RAPGEF2: variants seen among roughly 807,000 people sequenced by gnomAD.
RAPGEF2 encodes PDZ domain containing guanine nucleotide exchange factor (GEF) 1.
In RAPGEF2, 54 loss-of-function variants were observed where a neutral mutation model predicts 186.7. The ratio of observed to expected loss-of-function variants is 0.29; its 90% CI spans 0.23 to 0.36. RAPGEF2 has a LOEUF of 0.36. RAPGEF2 is among the 10% of genes least tolerant of loss of function. RAPGEF2 has a pLI of 1.00. For synonymous variants in RAPGEF2, 712 were observed against 705.9 expected, an observed-to-expected ratio of 1.01 and a Z score of -0.14; for missense variants, 1,532 against 2,045.0, an observed-to-expected ratio of 0.75 and a Z score of 4.84.
At chr4:159,213,793 T>C (rs958984993) in intron 4 of RAPGEF2, among the ~76,000 whole-genome samples, 1 of 151,636 alleles carries the variant, frequency 6.6e-6, no homozygotes, top group African/African-American at 2.4e-5. Flanking sequence ...TGAATTCCTA[T>C]GTGACTGTCA....
intron 1 of RAPGEF2, among the ~76,000 whole-genome samples, chr4:159,158,994 A>G (rs909612002): frequency 3.9e-5 from 6 of 152,238 alleles, no homozygotes; most frequent in Middle Eastern, 3.2e-3. Context: ...CTTAACGGCA[A>G]CACTATAAAG....
intron 7 of RAPGEF2, chr4:159,268,077 A>G: frequency 6.6e-7 from 1 of 1,523,042 alleles, no homozygotes; most frequent in Non-Finnish European, 8.8e-7. Flanking sequence ...CTTTTAATTT[A>G]ATGCTGTAGA....
intron 26 of RAPGEF2, chr4:159,351,302 CTTT>C: frequency 7.8e-6 from 7 of 895,448 alleles, no homozygotes; most frequent in Non-Finnish European, 9.2e-6. Context: ...TTTTCTGAAA[CTTT>C]TTTTTTTTTA....
intron 7 of RAPGEF2, among the ~76,000 whole-genome samples, chr4:159,257,415 A>G (rs866506670): frequency 2.0e-5 from 3 of 152,066 alleles, no homozygotes; most frequent in Non-Finnish European, 4.4e-5. Flanking sequence ...AAAACCATCA[A>G]ATCTCATGAG....
intron 4 of RAPGEF2, among the ~76,000 whole-genome samples, chr4:159,236,921 G>A (rs1753332927): frequency 6.6e-6 from 1 of 152,298 alleles, no homozygotes; most frequent in African/African-American, 2.4e-5. Flanking sequence ...GTACTCTAAT[G>A]TGTATGTTTG....
At chr4:159,263,957 G>T (rs1326481262) in intron 7 of RAPGEF2, among the ~76,000 whole-genome samples, 3 of 152,004 alleles carry the variant, frequency 2.0e-5, no homozygotes, top group Non-Finnish European at 2.9e-5. Context: ...TTATTGACAG[G>T]GTAGAAAGTT....
chr4:159,294,183 A>C (rs1761613412), intron 7 of RAPGEF2, among the ~76,000 whole-genome samples: 1 of 152,210 alleles, frequency 6.6e-6, no homozygotes, highest in African/African-American at 2.4e-5. Flanking sequence ...CCTCCTTCCC[A>C]AACCCAACCT....
In RAPGEF2 at chr4:159,103,109, CAGGAGGAGGAAG is replaced by C. The variant is rs1445336777; in HGVS notation, c.-1050_-1039del. ...GCGGCTCCGGCGGCCGGAGAAGGCG[CAGGAGGAGGAAG>C]AGGCGGAGGAAGAGGAGGGGAATCG... On this transcript the variant is annotated 5_prime_UTR_variant, in exon 1 of 30. Coordinates refer to ENST00000691494, the MANE Select transcript of RAPGEF2 (RefSeq NM_001394067.2). 3 of 152,584 alleles carry C rather than the reference CAGGAGGAGGAAG, an allele frequency of 2.0e-5. No individual in the cohort carries two copies. Among genetic ancestry groups the C allele is most frequent in the Non-Finnish European group, 4.4e-5 (3 of 68,642 alleles). The allele number at this position is 152,584 out of a possible 1,614,324, so 9.5% of individuals were successfully genotyped here. A position where few individuals can be genotyped will look rare whatever the true frequency, so the allele number is the denominator to read the frequency against.
chr4:159,172,759 A>G (rs1746046052), intron 1 of RAPGEF2, among the ~76,000 whole-genome samples: 1 of 152,194 alleles, frequency 6.6e-6, no homozygotes, highest in Non-Finnish European at 1.5e-5. Context: ...AAGGTGAGAT[A>G]CTTCAGAAAC....
At chr4:159,342,207 A>C (rs1729566262) in intron 20 of RAPGEF2, among the ~76,000 whole-genome samples, 1 of 152,158 alleles carries the variant, frequency 6.6e-6, no homozygotes, top group Non-Finnish European at 1.5e-5. Flanking sequence ...TCTGATTTGG[A>C]GCTCAGAAAA....
At chr4:159,260,566 G>A (rs1265461827) in intron 7 of RAPGEF2, among the ~76,000 whole-genome samples, 1 of 152,044 alleles carries the variant, frequency 6.6e-6, no homozygotes, top group African/African-American at 2.4e-5. Context: ...ACTTAATGCA[G>A]TTTAGTTCTT....
chr4:159,263,323 T>C (rs912147633), intron 7 of RAPGEF2, among the ~76,000 whole-genome samples: 5 of 152,238 alleles, frequency 3.3e-5, no homozygotes, highest in Non-Finnish European at 7.4e-5. Flanking sequence ...CTACCATCTT[T>C]TATTTTGCAT....
intron 25 of RAPGEF2, among the ~76,000 whole-genome samples, chr4:159,347,807 A>G (rs976478766): frequency 1.3e-5 from 2 of 152,198 alleles, no homozygotes; most frequent in Admixed American, 1.3e-4. Flanking sequence ...AAGAACATCT[A>G]GTAGTTTAGC....
At chr4:159,110,140 T>C (rs1032373033) in intron 1 of RAPGEF2, among the ~76,000 whole-genome samples, 1 of 152,232 alleles carries the variant, frequency 6.6e-6, no homozygotes, top group African/African-American at 2.4e-5. Flanking sequence ...AGGATGATCA[T>C]GGATATTTCA....
intron 26 of RAPGEF2, among the ~76,000 whole-genome samples, chr4:159,351,425 A>G (rs1198219503): frequency 6.6e-6 from 1 of 152,212 alleles, no homozygotes; most frequent in African/African-American, 2.4e-5. Context: ...AGACCTGTGC[A>G]GCCTTTAAAA....
Position 159,338,497 on chromosome 4 carries a change from T to C in RAPGEF2, c.2293+29T>C, listed in dbSNP as rs375262430. 5.5e-4 allele frequency: 861 copies of C among 1,571,132 alleles called. 5 individuals carry two copies. The African/African-American group carries it at 9.7e-3, about 18-fold the overall frequency. ...AGTATCACCAACACTTCTTTTGTTT[T>C]CTTATAGTTATCTTTTTATTTCTAA... On this transcript the variant is annotated intron_variant, in intron 18 of 29. Transcript: ENST00000691494.
At chr4:159,271,471 G>A (rs1040504697) in intron 7 of RAPGEF2, among the ~76,000 whole-genome samples, 5 of 152,144 alleles carry the variant, frequency 3.3e-5, no homozygotes, top group Non-Finnish European at 7.3e-5. Context: ...GTATTGCATA[G>A]CAGACACTAT....
At chr4:159,131,097 TGAGA>T (rs10596468) in intron 1 of RAPGEF2, among the ~76,000 whole-genome samples, 5,342 of 148,012 alleles carry the variant, frequency 0.036, 201 homozygotes, top group African/African-American at 0.096. Flanking sequence ...TGTGTGTGTG[TGAGA>T]GAGAGAGAGA....
chr4:159,106,644 G>A (rs1340707810), intron 1 of RAPGEF2, among the ~76,000 whole-genome samples: 1 of 152,192 alleles, frequency 6.6e-6, no homozygotes, highest in Non-Finnish European at 1.5e-5. Context: ...CTCGATAAAG[G>A]AGTTTGCATG....
Sources: allele counts gnomAD v4.1 joint callset (sites outside exome capture counted in the v4.1 genomes callset), GRCh38; gene constraint gnomAD v4.1.1; transcripts MANE v1.5; gene names NCBI Gene and HGNC (gene_info 2026-07-23, HGNC 2026-07-21).